Variants in SH3KBP1 observed in about 807,000 individuals in gnomAD.
The protein encoded by SH3KBP1 is SH3 domain-containing kinase-binding protein 1.
SH3KBP1 carries 8 observed loss-of-function variants against 50.1 expected under a neutral mutation model. That is an observed-to-expected ratio of 0.16 (90% CI 0.09 to 0.29). The LOEUF is 0.29. Ranked by LOEUF, SH3KBP1 falls within the 10% of genes least tolerant of loss-of-function variation. The pLI is 1.00. For synonymous variants in SH3KBP1, 227 were observed against 218.6 expected (o/e 1.04, Z -0.34); for missense variants, 377 against 535.2 (o/e 0.70, Z 2.92).
Position 19,617,241 on chromosome X carries a change from G to C in SH3KBP1, c.898-9196C>G, listed in dbSNP as rs372779759. ...CCCTTGTCTCCAGGATCACATTCTT[G>C]TGATATGTATTGTCCAATGCCTAAA... On this transcript the variant is annotated intron_variant, in intron 8 of 17. Coordinates refer to ENST00000397821, the MANE Select transcript of SH3KBP1 (RefSeq NM_031892.3). 7.4e-4 allele frequency among the ~76,000 whole-genome samples: 83 copies of C among 112,517 alleles called. 1 individual carries two copies. The highest frequency in any genetic ancestry group is 9.2e-3 in the Middle Eastern group (2 of 218).
chrX:19,741,949 G>A (rs1261073757), intron 3 of SH3KBP1, among the ~76,000 whole-genome samples: 1 of 111,885 alleles, frequency 8.9e-6, no homozygotes, highest in Non-Finnish European at 1.9e-5. Context: ...CATCTTCTCT[G>A]CATGCACTGT....
chrX:19,827,987 T>C (rs1405063299), intron 2 of SH3KBP1, among the ~76,000 whole-genome samples: 1 of 109,411 alleles, frequency 9.1e-6, no homozygotes, highest in Non-Finnish European at 1.9e-5. Flanking sequence ...TGTCATGCTA[T>C]TGCATTTTTA....
chrX:19,725,596 C>T (rs1292463338), intron 3 of SH3KBP1, among the ~76,000 whole-genome samples: 1 of 112,254 alleles, frequency 8.9e-6, no homozygotes, highest in African/African-American at 3.2e-5. Context: ...CCATCTGCCA[C>T]TCCACCACAG....
At chrX:19,804,287 T>C (rs1483761124) in intron 2 of SH3KBP1, among the ~76,000 whole-genome samples, 1 of 111,417 alleles carries the variant, frequency 9.0e-6, no homozygotes, top group Admixed American at 9.4e-5. Context: ...TCATGACTTC[T>C]CTTTTCCATA....
chrX:19,847,962 G>A (rs186443038), intron 1 of SH3KBP1, among the ~76,000 whole-genome samples: 120 of 111,925 alleles, frequency 1.1e-3, no homozygotes, highest in African/African-American at 3.4e-3. Context: ...CTTAAAGTTC[G>A]AAAAAGAGAA....
At chrX:19,585,823 C>T (rs1260546579) in intron 12 of SH3KBP1, among the ~76,000 whole-genome samples, 6 of 111,948 alleles carry the variant, frequency 5.4e-5, no homozygotes, top group Admixed American at 2.8e-4. Context: ...CCAGGTGATT[C>T]GGAGGCATGC....
chrX:19,783,907 C>G (rs2147131981), intron 2 of SH3KBP1, among the ~76,000 whole-genome samples: 1 of 111,698 alleles, frequency 9.0e-6, no homozygotes, highest in East Asian at 2.8e-4. Context: ...AGAGTTACTT[C>G]CAAGACATTA....
intron 3 of SH3KBP1, chrX:19,740,693 A>G: frequency 3.9e-6 from 1 of 258,400 alleles, no homozygotes. Context: ...CAGATCTCAC[A>G]TTTACCTTAA....
chrX:19,551,744 C>T (rs985665732), intron 13 of SH3KBP1, among the ~76,000 whole-genome samples: 3 of 108,927 alleles, frequency 2.8e-5, no homozygotes, highest in Non-Finnish European at 3.8e-5. Flanking sequence ...GCTGGAGAAA[C>T]TTATTTTCTT....
chrX:19,652,951 G>A (rs2062165657), intron 6 of SH3KBP1, among the ~76,000 whole-genome samples: 1 of 111,717 alleles, frequency 9.0e-6, no homozygotes, highest in African/African-American at 3.3e-5. Context: ...TACCATCATG[G>A]GGACTACTTC....
intron 1 of SH3KBP1, among the ~76,000 whole-genome samples, chrX:19,878,898 C>T (rs1434993687): frequency 8.9e-6 from 1 of 112,214 alleles, no homozygotes; most frequent in African/African-American, 3.2e-5. Context: ...GAATTGCACA[C>T]CTTAAATGGA....
Position 19,707,191 on chromosome X carries a change from G to T in SH3KBP1, c.287-207C>A. 3 of 521,478 alleles carry T rather than the reference G, an allele frequency of 5.8e-6. No individual in the cohort carries two copies. The South Asian group carries it at 7.2e-5, about 13-fold the overall frequency. 43.0% of individuals were successfully genotyped at this position (521,478 alleles called of 1,213,427 possible). ...TTCTTGGTCTTTTAAAAGCTGCTGG[G>T]TCAGAAAGGCATGGATATGAGAAAC... On this transcript the variant is annotated intron_variant, in intron 3 of 17. Transcript: ENST00000397821.
chrX:19,613,997 G>T (rs958921204), intron 8 of SH3KBP1, among the ~76,000 whole-genome samples: 1 of 112,989 alleles, frequency 8.9e-6, no homozygotes, highest in Admixed American at 9.3e-5. Flanking sequence ...ATCCCTGAGG[G>T]ACAATGTGAC....
At chrX:19,540,249 T>C (rs55897193) in intron 16 of SH3KBP1, among the ~76,000 whole-genome samples, 1,443 of 110,817 alleles carry the variant, frequency 0.013, 11 homozygotes, top group Non-Finnish European at 0.022. Context: ...TCAAGTACCA[T>C]CTGTCAGTCC....
Position 19,708,264 on chromosome X carries a change from A to G in SH3KBP1, c.287-1280T>C, listed in dbSNP as rs1308732616. Reference sequence around the variant, plus strand: ...TCTCTGTTCCATTTTTCTTGCCTGTACCTCACTAAGCAAGAACAGAGTTGA... The same window carrying G: ...TCTCTGTTCCATTTTTCTTGCCTGTGCCTCACTAAGCAAGAACAGAGTTGA... On this transcript the variant is annotated intron_variant, in intron 3 of 17. Coordinates refer to ENST00000397821, the MANE Select transcript of SH3KBP1 (RefSeq NM_031892.3). Among the ~76,000 whole-genome samples, 12 of 112,423 alleles carry G rather than the reference A, an allele frequency of 1.1e-4. No individual in the cohort carries two copies. In the Admixed American group the frequency reaches 1.1e-3, roughly 11 times the overall value.
intron 1 of SH3KBP1, among the ~76,000 whole-genome samples, chrX:19,855,635 C>T (rs2068623431): frequency 1.2e-5 from 1 of 85,713 alleles, no homozygotes; most frequent in Non-Finnish European, 2.4e-5. Context: ...CTCAGTGCTA[C>T]ACATAGCCTC....
intron 12 of SH3KBP1, among the ~76,000 whole-genome samples, chrX:19,583,813 T>C (rs2066458727): frequency 9.6e-6 from 1 of 103,987 alleles, no homozygotes; most frequent in Non-Finnish European, 1.9e-5. Flanking sequence ...TATGTATACT[T>C]ATAACTATAT....
At chrX:19,724,591 A>T (rs1427391183) in intron 3 of SH3KBP1, among the ~76,000 whole-genome samples, 1 of 112,387 alleles carries the variant, frequency 8.9e-6, no homozygotes, top group Non-Finnish European at 1.9e-5. Context: ...ACAACCATAG[A>T]CCACACATAA....
chrX:19,742,558 GT>G (rs892496121), intron 3 of SH3KBP1, among the ~76,000 whole-genome samples: 12 of 109,147 alleles, frequency 1.1e-4, no homozygotes, highest in African/African-American at 3.4e-4. Context: ...ATTTGAATGC[GT>G]TTTTTTTGTT....
Sources: gnomAD v4.1 joint callset for allele counts (sites outside exome capture counted in the v4.1 genomes callset) on GRCh38, gnomAD v4.1.1 for gene constraint, MANE v1.5 for transcripts, NCBI Gene and HGNC (gene_info 2026-07-23, HGNC 2026-07-21) for gene names.